The following F2RL3 variants were observed in gnomAD, a reference collection of about 807,000 sequenced individuals.
F2RL3 encodes the protein F2R like thrombin or trypsin receptor 3.
In F2RL3, 3 loss-of-function variants were observed where a neutral mutation model predicts 4.9. The observed-to-expected ratio is 0.61, with a 90% CI of 0.28 to 1.58. The LOEUF (loss-of-function observed/expected upper bound fraction) is 1.58, where lower values mean the gene tolerates loss of function less well. Ranked by LOEUF, F2RL3 falls within the 40% of genes most tolerant of loss-of-function variation. F2RL3 has a pLI of 0.11. For missense variants in F2RL3, 564 were observed against 550.4 expected, an observed-to-expected ratio of 1.02 and a Z score of -0.25; for synonymous variants, 284 against 278.4, an observed-to-expected ratio of 1.02 and a Z score of -0.20.
chr19:16,889,705 C>A lies in F2RL3; in HGVS notation c.242C>A (p.Pro81His). 5 of 1,607,768 alleles carry A rather than the reference C, an allele frequency of 3.1e-6. No individual in the cohort carries two copies. Among genetic ancestry groups the A allele is most frequent in the Non-Finnish European group, 4.2e-6 (5 of 1,179,628 alleles). ...LLGWVPTRLVPALYGLVLVVG... is the reference protein window; with the variant it reads ...LLGWVPTRLVHALYGLVLVVG... Reference sequence around the variant, plus strand: ...GGCTGGGTGCCCACCAGGCTGGTGCCCGCCCTCTATGGGCTGGTCCTGGTG... The same window carrying A: ...GGCTGGGTGCCCACCAGGCTGGTGCACGCCCTCTATGGGCTGGTCCTGGTG... The change falls in exon 2 of 2, where the codon CCC becomes CAC. Residue 81 changes from proline (P) to histidine (H), a missense_variant. Physicochemically the swap from Pro to His is moderately conservative, Grantham distance 77 (BLOSUM62 -2). Coordinates refer to ENST00000248076, the MANE Select transcript of F2RL3 (RefSeq NM_003950.4).
Position 16,890,684 on chromosome 19 carries a change from T to A in F2RL3, c.*63T>A. 8.2e-7 allele frequency: 1 copy of A among 1,214,312 alleles called. No individual in the cohort carries two copies. Among genetic ancestry groups the A allele is most frequent in the Non-Finnish European group, 1.1e-6 (1 of 880,238 alleles). The allele number at this position is 1,214,312 out of a possible 1,614,324, so 75.2% of individuals were successfully genotyped here. ...CCCTTCCCCCACTTCACGTCCTTCC[T>A]GGGACCTCAGAATGTGACCTTATTT... On this transcript the variant is annotated 3_prime_UTR_variant, in exon 2 of 2. Transcript: ENST00000248076.
chr19:16,890,100 CTG>C lies in F2RL3; in HGVS notation c.638_639del (p.Leu213ProfsTer17). ...GGCCGCCCTGGCACTGCCCCTGACA[CTG>C]CAGCGGCAGACCTTCCGGCTGGCGC... is the stretch of plus-strand genomic sequence containing the variant. ...MAAALALPLT[L>X]QRQTFRLARS... On this transcript the variant is annotated frameshift_variant, in exon 2 of 2. Coordinates refer to ENST00000248076, the MANE Select transcript of F2RL3 (RefSeq NM_003950.4). LOFTEE classifies it low-confidence loss of function (END_TRUNC). The C allele has an allele frequency of 6.3e-7, 1 of 1,597,786 alleles. No homozygotes were observed. Among genetic ancestry groups the C allele is most frequent in the Non-Finnish European group, 8.5e-7 (1 of 1,178,984 alleles).
chr19:16,890,248 T>C lies in F2RL3; in HGVS notation c.785T>C (p.Leu262Pro). 7.6e-6 allele frequency: 12 copies of C among 1,568,972 alleles called. No homozygotes were observed. Among genetic ancestry groups the C allele is most frequent in the Middle Eastern group, 1.7e-4 (1 of 5,814 alleles). Reference sequence around the variant, plus strand: ...TTCCTGCCCCTGCTGGCCATGCTGCTGTGCTACGGGGCCACCCTGCACACG... The same window carrying C: ...TTCCTGCCCCTGCTGGCCATGCTGCCGTGCTACGGGGCCACCCTGCACACG... ...GCFLPLLAMLLCYGATLHTLA... is the reference protein window; with the variant it reads ...GCFLPLLAMLPCYGATLHTLA... Residue 262 changes from leucine to proline, a missense_variant, in exon 2 of 2, where the codon CTG (leucine) becomes CCG (proline). By Grantham distance (98) the Leu-to-Pro change is moderately conservative (BLOSUM62 -3). Coordinates refer to ENST00000248076, the MANE Select transcript of F2RL3 (RefSeq NM_003950.4).
In F2RL3 at chr19:16,890,249, G is replaced by A. The variant is rs2051772001; in HGVS notation, c.786G>A (p.Leu262=). The A allele has an allele frequency of 1.4e-5, 22 of 1,567,274 alleles. No homozygotes were observed. The highest frequency in any genetic ancestry group is 1.9e-5 in the Non-Finnish European group (22 of 1,162,680). Residue 262 remains leucine, a synonymous_variant, in exon 2 of 2, where the codon CTG becomes CTA. Transcript: ENST00000248076. Reference sequence around the variant, plus strand: ...TCCTGCCCCTGCTGGCCATGCTGCTGTGCTACGGGGCCACCCTGCACACGC... The same window carrying A: ...TCCTGCCCCTGCTGGCCATGCTGCTATGCTACGGGGCCACCCTGCACACGC... ...GCFLPLLAML[L]CYGATLHTLA...
Position 16,889,021 on chromosome 19 carries a change from C to T in F2RL3, c.-169C>T, listed in dbSNP as rs761441370. ...CATAACCCACACTCCAGTCCTCCCA[C>T]GGGCTGGCTGGCAAGCGGCCCTGGT... On this transcript the variant is annotated 5_prime_UTR_variant, in exon 1 of 2. The change creates a new upstream start codon in the 5' untranslated region. Coordinates refer to ENST00000248076, the MANE Select transcript of F2RL3 (RefSeq NM_003950.4). 4 of 514,370 alleles carry T rather than the reference C, an allele frequency of 7.8e-6. No individual in the cohort carries two copies. The highest frequency in any genetic ancestry group is 3.6e-5 in the Admixed American group (1 of 28,060). The allele number at this position is 514,370 out of a possible 1,614,324, so 31.9% of individuals were successfully genotyped here. A position where few individuals can be genotyped will look rare whatever the true frequency, so the allele number is the denominator to read the frequency against.
At chr19:16,889,380 C>A in intron 1 of F2RL3, 82 bp downstream of exon 1, 1 of 1,333,662 alleles carries the variant, frequency 7.5e-7, no homozygotes, top group Non-Finnish European at 1.0e-6. Flanking sequence ...GAGGGGGAGG[C>A]CGGGAAGTTG....
Position 16,891,677 on chromosome 19 carries a change from G to C in F2RL3, c.*1056G>C, listed in dbSNP as rs1163622956. 1 of 152,196 alleles carries C rather than the reference G, an allele frequency of 6.6e-6. No homozygotes were observed. The allele number at this position is 152,196 out of a possible 1,614,324, so 9.4% of individuals were successfully genotyped here. A position where few individuals can be genotyped will look rare whatever the true frequency, so the allele number is the denominator to read the frequency against. ...GGAGGCTGAGTCAGGAGAATCGCTT[G>C]AACCTGGGAGGCGGAGGTTGCGGTC... is the stretch of plus-strand genomic sequence containing the variant. On this transcript the variant is annotated 3_prime_UTR_variant, in exon 2 of 2. Coordinates refer to ENST00000248076, the MANE Select transcript of F2RL3 (RefSeq NM_003950.4).
chr19:16,889,359 C>T (rs1390096879), intron 1 of F2RL3, 61 bp downstream of exon 1: 2 of 1,437,346 alleles, frequency 1.4e-6, no homozygotes, highest in Non-Finnish European at 1.9e-6. Context: ...AGCTGGGGGC[C>T]CGGAGCTGGG....
chr19:16,889,516 G>T lies in F2RL3; in HGVS notation c.110-57G>T. 2.0e-6 allele frequency: 3 copies of T among 1,486,814 alleles called. No individual in the cohort carries two copies. In the Middle Eastern group the frequency reaches 5.4e-4, roughly 270 times the overall value. The allele number at this position is 1,486,814 out of a possible 1,614,324, so 92.1% of individuals were successfully genotyped here. On this transcript the variant is annotated intron_variant, in intron 1 of 1. Transcript: ENST00000248076. ...CCAGGCTCTGAGCACCTCCCTCCCT[G>T]CTGCTTCTCGTCACCTGCCGAGGCA...
Position 16,890,776 on chromosome 19 carries a change from G to A in F2RL3, c.*155G>A. ...TGGAGAAGGGTGGGCCTTACATCCA[G>A]TGTGGGTGGTGTCCTCATAAGATAA... is the stretch of plus-strand genomic sequence containing the variant. On this transcript the variant is annotated 3_prime_UTR_variant, in exon 2 of 2. Coordinates refer to ENST00000248076, the MANE Select transcript of F2RL3 (RefSeq NM_003950.4). 1 of 643,964 alleles carries A rather than the reference G, an allele frequency of 1.6e-6. No homozygotes were observed. The highest frequency in any genetic ancestry group is 2.7e-6 in the Non-Finnish European group (1 of 376,104). The allele number at this position is 643,964 out of a possible 1,614,324, so 39.9% of individuals were successfully genotyped here.
Position 16,889,932 on chromosome 19 carries a change from T to C in F2RL3, c.469T>C (p.Tyr157His). ...CTGCCGCCTGGCCACGGCCGCACTCTATGGTCACATGTATGGCTCAGTGCT... is the reference window on the plus strand; with the variant it reads ...CTGCCGCCTGGCCACGGCCGCACTCCATGGTCACATGTATGGCTCAGTGCT... ...AACRLATAAL[Y>H]GHMYGSVLLL... Residue 157 changes from tyrosine (Y) to histidine (H), a missense_variant, in exon 2 of 2, where the codon TAT becomes CAT. Physicochemically the swap from Tyr to His is moderately conservative, Grantham distance 83. Coordinates refer to ENST00000248076, the MANE Select transcript of F2RL3 (RefSeq NM_003950.4). 1 of 1,588,480 alleles carries C rather than the reference T, an allele frequency of 6.3e-7. No individual in the cohort carries two copies.
intron 1 of F2RL3, 63 bp downstream of exon 1, chr19:16,889,361 G>T (rs374648870): frequency 7.8e-6 from 11 of 1,413,714 alleles, no homozygotes; most frequent in Non-Finnish European, 1.1e-5. Flanking sequence ...CTGGGGGCCC[G>T]GAGCTGGGGA....
Position 16,889,826 on chromosome 19 carries a change from T to C in F2RL3, c.363T>C (p.Ala121=), listed in dbSNP as rs112033286. The change falls in exon 2 of 2, where the codon GCT becomes GCC. Residue 121 remains alanine, a synonymous_variant. Transcript: ENST00000248076. ...TGCTGCTGATGAACCTCGCGGCTGC[T>C]GACCTCCTGCTGGCCCTGGCGCTGC... ...STMLLMNLAA[A]DLLLALALPP... is the part of the protein sequence containing the mutation. The C allele has an allele frequency of 6.7e-4, 1,075 of 1,598,378 alleles. 7 individuals carry two copies. The African/African-American group carries it at 0.012, about 18-fold the overall frequency.
chr19:16,890,450 C>T lies in F2RL3; in HGVS notation c.987C>T (p.Ser329=), dbSNP rs2051776927. 1 of 1,612,796 alleles carries T rather than the reference C, an allele frequency of 6.2e-7. No individual in the cohort carries two copies. Among genetic ancestry groups the T allele is most frequent in the Non-Finnish European group, 8.5e-7 (1 of 1,179,942 alleles). ...CCTACGTGCCCAGCCTGGCGCTGAG[C>T]ACCCTCAACAGCTGCGTGGATCCCT... The part of the protein sequence containing the change: ...YGAYVPSLAL[S]TLNSCVDPFI... The change falls in exon 2 of 2, where the codon AGC becomes AGT. Residue 329 remains serine (S), a synonymous_variant. Transcript: ENST00000248076.
rs751612733 is a variant in F2RL3, at chr19:16,889,243, C to T, written c.54C>T (p.Gly18=). ...TGGTGCTGGGGTTCAGCCTGTCTGG[C>T]GGCACCCAGACCCCCAGCGTCTACG... ...WPLVLGFSLS[G]GTQTPSVYDE... Residue 18 remains glycine, a synonymous_variant, in exon 1 of 2, where the codon GGC becomes GGT. Coordinates refer to ENST00000248076, the MANE Select transcript of F2RL3 (RefSeq NM_003950.4). The T allele has an allele frequency of 1.9e-5, 31 of 1,593,756 alleles. No homozygotes were observed. Among genetic ancestry groups the T allele is most frequent in the South Asian group, 5.7e-5 (5 of 87,608 alleles).
In F2RL3 at chr19:16,889,168, C is replaced by A; in HGVS notation, c.-22C>A. On this transcript the variant is annotated 5_prime_UTR_variant, in exon 1 of 2. Coordinates refer to ENST00000248076, the MANE Select transcript of F2RL3 (RefSeq NM_003950.4). ...GAGGCAGGAAGCCTGAGGCCACAGC[C>A]CAGAGCAGCCTGAGTGCAGTCATGT... 1 of 1,520,462 alleles carries A rather than the reference C, an allele frequency of 6.6e-7. No individual in the cohort carries two copies. The allele number at this position is 1,520,462 out of a possible 1,614,324, so 94.2% of individuals were successfully genotyped here.
Position 16,890,234 on chromosome 19 carries a change from G to T in F2RL3, c.771G>T (p.Leu257=), listed in dbSNP as rs2230800. 989 of 1,574,578 alleles carry T rather than the reference G, an allele frequency of 6.3e-4. 2 individuals are homozygous for T. In the African/African-American group the frequency reaches 0.011, roughly 18 times the overall value. The change falls in exon 2 of 2, where the codon CTG becomes CTT. Residue 257 remains leucine (L), a synonymous_variant. Coordinates refer to ENST00000248076, the MANE Select transcript of F2RL3 (RefSeq NM_003950.4). ...CGCTGTTGGGCTGTTTCCTGCCCCT[G>T]CTGGCCATGCTGCTGTGCTACGGGG... is the stretch of plus-strand genomic sequence containing the variant. ...CLALLGCFLP[L]LAMLLCYGAT... is the part of the protein sequence containing the mutation.
chr19:16,890,154 G>A lies in F2RL3; in HGVS notation c.691G>A (p.Ala231Thr), dbSNP rs370634215. The A allele has an allele frequency of 2.0e-4, 327 of 1,595,522 alleles. 1 individual carries two copies. In the Middle Eastern group the frequency reaches 5.4e-3, roughly 26 times the overall value. The change falls in exon 2 of 2, where the codon GCG becomes ACG. Residue 231 changes from alanine to threonine, a missense_variant. Ala to Thr is a moderately conservative substitution (Grantham distance 58). Coordinates refer to ENST00000248076, the MANE Select transcript of F2RL3 (RefSeq NM_003950.4). ...CTCCGATCGCGTGCTCTGCCATGAC[G>A]CGCTGCCCCTGGACGCACAGGCCTC... is the stretch of plus-strand genomic sequence containing the variant. ...ARSDRVLCHDALPLDAQASHW... is the reference protein window; with the variant it reads ...ARSDRVLCHDTLPLDAQASHW...
rs190167952 is a variant in F2RL3 at position 16,889,967 on chromosome 19, C to T, written c.504C>T (p.Ala168=). ...TGTATGGCTCAGTGCTGCTGCTGGC[C>T]GCCGTCAGCCTGGATCGCTACCTGG... ...GHMYGSVLLL[A]AVSLDRYLAL... is the part of the protein sequence containing the mutation. The change falls in exon 2 of 2, where the codon GCC becomes GCT. Residue 168 remains alanine, a synonymous_variant. Transcript: ENST00000248076. 1,936 of 1,594,668 alleles carry T rather than the reference C, an allele frequency of 1.2e-3. 27 individuals carry two copies. In the East Asian group the frequency reaches 0.035, roughly 29 times the overall value.
Sources: gnomAD v4.1 joint callset for allele counts on GRCh38, gnomAD v4.1.1 for gene constraint, MANE v1.5 for transcripts, NCBI Gene and HGNC (gene_info 2026-07-23, HGNC 2026-07-21) for gene names.